The following EYS variants were observed in gnomAD, a reference collection of about 807,000 sequenced individuals.
EYS encodes the protein EGF-like photoreceptor maintenance factor, also known as protein eyes shut homolog.
In EYS, 250 loss-of-function variants were observed where a neutral mutation model predicts 282.1. The observed-to-expected ratio is 0.89, with a 90% CI of 0.80 to 0.98. The LOEUF (loss-of-function observed/expected upper bound fraction) is 0.98, where lower values mean the gene tolerates loss of function less well. Among genes scored for constraint, EYS ranks in the 50% least tolerant of loss-of-function variants. EYS has a pLI of 0.00. For synonymous variants in EYS, 1,355 were observed against 1,282.9 expected (o/e 1.06, Z -1.20); for missense variants, 4,016 against 3,709.0 (o/e 1.08, Z -2.15).
At chr6:65,170,228 GCA>G (rs148028482) in intron 12 of EYS, among the ~76,000 whole-genome samples, 89 of 148,400 alleles carry the variant, frequency 6.0e-4, no homozygotes, top group Admixed American at 1.0e-3. Flanking sequence ...GCGCGTGCAC[GCA>G]CACACACACA....
chr6:65,507,836 T>C (rs908072750), intron 2 of EYS, among the ~76,000 whole-genome samples: 2 of 143,780 alleles, frequency 1.4e-5, no homozygotes, highest in Non-Finnish European at 3.2e-5. Flanking sequence ...GTTCTTGCAT[T>C]CTGTCTTCCT....
chr6:64,681,274 T>C (rs1769883505), intron 22 of EYS, among the ~76,000 whole-genome samples: 1 of 151,930 alleles, frequency 6.6e-6, no homozygotes, highest in Non-Finnish European at 1.5e-5. Flanking sequence ...ACCTAGTGAG[T>C]AGAATTTTTT....
intron 16 of EYS, among the ~76,000 whole-genome samples, chr6:64,906,080 T>C (rs1312301683): frequency 6.6e-6 from 1 of 151,354 alleles, no homozygotes; most frequent in Non-Finnish European, 1.5e-5. Context: ...AAGTTTTTCT[T>C]AGCAAGTCAG....
chr6:64,928,906 A>T (rs1768606781), intron 15 of EYS, among the ~76,000 whole-genome samples: 1 of 152,046 alleles, frequency 6.6e-6, no homozygotes, highest in Admixed American at 6.6e-5. Context: ...AAATTTAAAG[A>T]TTTTATGTAT....
intron 2 of EYS, among the ~76,000 whole-genome samples, chr6:65,496,399 C>T (rs1301499971): frequency 6.6e-6 from 1 of 151,532 alleles, no homozygotes; most frequent in Non-Finnish European, 1.5e-5. Flanking sequence ...AAGGTAACTA[C>T]CAATTATTGA....
intron 35 of EYS, among the ~76,000 whole-genome samples, chr6:63,904,586 G>A (rs1158593670): frequency 6.6e-6 from 1 of 152,120 alleles, no homozygotes; most frequent in African/African-American, 2.4e-5. Context: ...ATCACCTCTG[G>A]GAAGATGAGC....
At chr6:64,084,018 G>A (rs370748498) in intron 31 of EYS, among the ~76,000 whole-genome samples, 12 of 152,320 alleles carry the variant, frequency 7.9e-5, no homozygotes, top group Non-Finnish European at 1.0e-4. Flanking sequence ...GATTACAGGC[G>A]TGAGCCACTG....
chr6:63,935,172 C>T (rs1346995110), intron 35 of EYS, among the ~76,000 whole-genome samples: 2 of 152,226 alleles, frequency 1.3e-5, no homozygotes, highest in Non-Finnish European at 2.9e-5. Flanking sequence ...CCCAACTTCT[C>T]AGCTGGGATA....
intron 33 of EYS, among the ~76,000 whole-genome samples, chr6:64,064,326 A>T (rs1438450766): frequency 6.6e-6 from 1 of 152,218 alleles, no homozygotes; most frequent in Non-Finnish European, 1.5e-5. Flanking sequence ...TATGAAACTA[A>T]ATATAGAACA....
intron 13 of EYS, among the ~76,000 whole-genome samples, chr6:65,039,836 T>C (rs921861812): frequency 3.3e-5 from 5 of 151,594 alleles, no homozygotes; most frequent in Non-Finnish European, 3.0e-5. Context: ...AAATAATCAT[T>C]GCTAGATAGC....
At chr6:64,374,077 G>A (rs9353739) in intron 29 of EYS, among the ~76,000 whole-genome samples, 1 of 151,506 alleles carries the variant, frequency 6.6e-6, no homozygotes, top group South Asian at 2.1e-4. Flanking sequence ...CATTGCCTAC[G>A]TGGCTACTAG....
At chr6:64,351,660 T>C (rs1249580415) in intron 29 of EYS, among the ~76,000 whole-genome samples, 1 of 151,568 alleles carries the variant, frequency 6.6e-6, no homozygotes, top group Non-Finnish European at 1.5e-5. Flanking sequence ...TTCAGTGGAC[T>C]ACAAGGTCAT....
chr6:64,469,301 C>T (rs780727385), intron 26 of EYS, among the ~76,000 whole-genome samples: 5 of 151,952 alleles, frequency 3.3e-5, no homozygotes, highest in Admixed American at 1.3e-4. Flanking sequence ...ACCCAGGTGC[C>T]GAGGCAGGAG....
In EYS at chr6:64,591,608, G is replaced by T; in HGVS notation, c.4259C>A (p.Ser1420Tyr). 1 of 1,551,160 alleles carries T rather than the reference G, an allele frequency of 6.4e-7. No homozygotes were observed. The highest frequency in any genetic ancestry group is 8.7e-7 in the Non-Finnish European group (1 of 1,146,694). The change falls in exon 26 of 43, where the codon TCT (serine) becomes TAT (tyrosine). Residue 1420 changes from serine (S) to tyrosine (Y), a missense_variant. Coordinates refer to ENST00000503581, the MANE Select transcript of EYS (RefSeq NM_001142800.2). ...LFENCQTVAL[S>Y]ATPTTSVIRS... ...AATTACTGAAGTCGTTGGGGTAGCA[G>T]ATAAAGCAACAGTCTGACAGTTCTC...
rs775551050 is a variant in EYS at position 64,504,396 on chromosome 6, C to A, written c.5645-65044G>T. Among the ~76,000 whole-genome samples the A allele has an allele frequency of 2.0e-5, 3 of 152,174 alleles. 1 individual carries two copies. The highest frequency in any genetic ancestry group is 4.4e-5 in the Non-Finnish European group (3 of 68,030). On this transcript the variant is annotated intron_variant, in intron 26 of 42. Transcript: ENST00000503581. ...GGCCCAAATATAAGAACCCATCTGA[C>A]AATGTTTTGCTAGAATTTAGCATGA... is the stretch of plus-strand genomic sequence containing the variant.
At chr6:64,427,683 C>T (rs958291525) in intron 28 of EYS, among the ~76,000 whole-genome samples, 6 of 152,010 alleles carry the variant, frequency 3.9e-5, no homozygotes, top group African/African-American at 1.4e-4. Flanking sequence ...ATAGGCTTGA[C>T]TTTTGATTCT....
intron 31 of EYS, among the ~76,000 whole-genome samples, chr6:64,163,163 G>A (rs948202061): frequency 1.3e-5 from 2 of 152,012 alleles, no homozygotes; most frequent in African/African-American, 4.8e-5. Flanking sequence ...AAGCCTATTA[G>A]CCTATAAATA....
intron 31 of EYS, among the ~76,000 whole-genome samples, chr6:64,100,432 G>GT (rs1260372511): frequency 6.6e-6 from 1 of 151,274 alleles, no homozygotes; most frequent in Non-Finnish European, 1.5e-5. Context: ...ACATATATTA[G>GT]TTTTTTATTT....
At position 65,004,944 on chromosome 6, in the gene EYS, T is replaced by C. The variant is rs560773684; in HGVS notation, c.2138-7241A>G. Among the ~76,000 whole-genome samples the C allele has an allele frequency of 1.0e-4, 15 of 148,424 alleles. 2 individuals are homozygous for C. The highest frequency in any genetic ancestry group is 3.4e-4 in the African/African-American group (14 of 41,378). The stretch of plus-strand genomic sequence containing the variant: ...GTTTCTTCATACTTCCCACTTCTTG[T>C]TCAACAATGTTCTCTGAAGACATTG... On this transcript the variant is annotated intron_variant, in intron 13 of 42. Coordinates refer to ENST00000503581, the MANE Select transcript of EYS (RefSeq NM_001142800.2).
Sources: allele counts gnomAD v4.1 joint callset (sites outside exome capture counted in the v4.1 genomes callset), GRCh38; gene constraint gnomAD v4.1.1; transcripts MANE v1.5; gene names NCBI Gene and HGNC (gene_info 2026-07-23, HGNC 2026-07-21).